The following MAT2A variants were observed in gnomAD, a reference collection of about 807,000 sequenced individuals.
The protein encoded by MAT2A is S-adenosylmethionine synthase isoform type-2.
A neutral mutation model predicts 43.9 loss-of-function variants in MAT2A; 3 were observed. The observed-to-expected ratio is 0.07, with a 90% CI of 0.03 to 0.18. The LOEUF is 0.18. MAT2A is among the 10% of genes least tolerant of loss of function. The pLI, the probability that MAT2A is intolerant of heterozygous loss-of-function variation, is 1.00. For synonymous variants in MAT2A, 200 were observed against 168.4 expected, an observed-to-expected ratio of 1.19 and a Z score of -1.45; for missense variants, 204 against 489.0, an observed-to-expected ratio of 0.42 and a Z score of 5.50.
intron 3 of MAT2A, 54 bp from the exon 4 acceptor site, chr2:85,541,579 T>G: frequency 7.1e-7 from 1 of 1,415,704 alleles, no homozygotes; most frequent in Non-Finnish European, 9.7e-7. Context: ...ATAATTGCTG[T>G]AAACAGCAGG....
At chr2:85,539,441 G>T (rs1321802282) in intron 1 of MAT2A, 63 bp downstream of exon 1, 3 of 1,354,852 alleles carry the variant, frequency 2.2e-6, no homozygotes, top group African/African-American at 3.0e-5. Flanking sequence ...GGTCCGGCTG[G>T]CTGCGGCCGG....
chr2:85,543,849 C>T lies in MAT2A; in HGVS notation c.*77C>T, dbSNP rs1573309815. On this transcript the variant is annotated 3_prime_UTR_variant, in exon 9 of 9. Coordinates refer to ENST00000306434, the MANE Select transcript of MAT2A (RefSeq NM_005911.6). ...TTCAAGCTCTGAGGGAAAGGGCCCT[C>T]CTTCCTAAATTTTCCTGTCCTCTTT... The T allele has an allele frequency of 1.1e-5, 10 of 900,128 alleles. No individual in the cohort carries two copies. In the East Asian group the frequency reaches 2.8e-4, roughly 25 times the overall value. The allele number at this position is 900,128 out of a possible 1,614,324, so 55.8% of individuals were successfully genotyped here.
intron 8 of MAT2A, 113 bp downstream of exon 8, chr2:85,543,147 T>C (rs1247018900): frequency 1.2e-5 from 14 of 1,192,238 alleles, no homozygotes; most frequent in Middle Eastern, 3.0e-4. Context: ...AATGGGAATA[T>C]ATTTTAATTC....
chr2:85,541,614 T>C lies in MAT2A; in HGVS notation c.293-19T>C, dbSNP rs1326667021. The C allele has an allele frequency of 8.4e-6, 13 of 1,555,846 alleles. No homozygotes were observed. The highest frequency in any genetic ancestry group is 9.6e-6 in the Non-Finnish European group (11 of 1,142,030). On this transcript the variant is annotated intron_variant, in intron 3 of 8. Coordinates refer to ENST00000306434, the MANE Select transcript of MAT2A (RefSeq NM_005911.6). ...GTATTTCTAGGACGTAAACAAGATG[T>C]TGTGTTTTTTGCTTATAGGTTTTGA...
At position 85,539,178 on chromosome 2, in the gene MAT2A, C is replaced by T; in HGVS notation, c.-110C>T. On this transcript the variant is annotated 5_prime_UTR_variant, in exon 1 of 9. Coordinates refer to ENST00000306434, the MANE Select transcript of MAT2A (RefSeq NM_005911.6). ...ACCGCCCGCTGCTTCGTTCGCTCCGCGCCGCCCGCCTGCTACGAGTAGAAC... is the reference window on the plus strand; with the variant it reads ...ACCGCCCGCTGCTTCGTTCGCTCCGTGCCGCCCGCCTGCTACGAGTAGAAC... 2 of 785,624 alleles carry T rather than the reference C, an allele frequency of 2.5e-6. No homozygotes were observed. The highest frequency in any genetic ancestry group is 2.1e-6 in the Non-Finnish European group (1 of 485,946). 48.7% of individuals were successfully genotyped at this position (785,624 alleles called of 1,614,324 possible).
chr2:85,541,043 T>G, intron 1 of MAT2A, 40 bp from the exon 2 acceptor site: 1 of 1,463,068 alleles, frequency 6.8e-7, no homozygotes, highest in Middle Eastern at 1.7e-4. Flanking sequence ...ATACTTTGTT[T>G]AAAGTTAAAG....
In MAT2A at chr2:85,542,889, G is replaced by A; in HGVS notation, c.952-12G>A. 6.2e-7 allele frequency: 1 copy of A among 1,608,608 alleles called. No individual in the cohort carries two copies. The highest frequency in any genetic ancestry group is 8.5e-7 in the Non-Finnish European group (1 of 1,177,888). On this transcript the variant is annotated splice_polypyrimidine_tract_variant and intron_variant, in intron 7 of 8. Coordinates refer to ENST00000306434, the MANE Select transcript of MAT2A (RefSeq NM_005911.6). Reference sequence around the variant, plus strand: ...GCAATCACTGATTCTTACGACATTTGAATCCTTTTAGGTCTCTTATGCTAT... The same window carrying A: ...GCAATCACTGATTCTTACGACATTTAAATCCTTTTAGGTCTCTTATGCTAT...
In MAT2A at chr2:85,541,390, G is replaced by T. The variant is rs1322977088; in HGVS notation, c.292+13G>T. The T allele has an allele frequency of 3.1e-6, 5 of 1,606,220 alleles. No homozygotes were observed. The South Asian group carries it at 3.4e-5, about 11-fold the overall frequency. On this transcript the variant is annotated intron_variant, in intron 3 of 8. Coordinates refer to ENST00000306434, the MANE Select transcript of MAT2A (RefSeq NM_005911.6). ...GATTCTTCCAAAGGTGTGTTTTAATGATTTTGCTCATTTTTTTCTAGGTAA... is the reference window on the plus strand; with the variant it reads ...GATTCTTCCAAAGGTGTGTTTTAATTATTTTGCTCATTTTTTTCTAGGTAA...
chr2:85,539,207 G>A lies in MAT2A; in HGVS notation c.-81G>A, dbSNP rs1049022512. ...GCCCGCCTGCTACGAGTAGAACGCT[G>A]TCCGCAGCTTGCGCATTTCGCAGCC... On this transcript the variant is annotated 5_prime_UTR_variant, in exon 1 of 9. Coordinates refer to ENST00000306434, the MANE Select transcript of MAT2A (RefSeq NM_005911.6). The A allele has an allele frequency of 2.0e-6, 2 of 1,010,000 alleles. No homozygotes were observed. Among genetic ancestry groups the A allele is most frequent in the East Asian group, 2.8e-5 (1 of 35,968 alleles). 62.6% of individuals were successfully genotyped at this position (1,010,000 alleles called of 1,614,324 possible).
At chr2:85,540,410 T>C (rs1691443879) in intron 1 of MAT2A, among the ~76,000 whole-genome samples, 1 of 152,176 alleles carries the variant, frequency 6.6e-6, no homozygotes, top group Non-Finnish European at 1.5e-5. Flanking sequence ...TCTTGATGAG[T>C]GCTGAAGGTT....
chr2:85,539,555 C>G (rs1041285061), intron 1 of MAT2A, 177 bp downstream of exon 1: 1 of 485,234 alleles, frequency 2.1e-6, no homozygotes, highest in African/African-American at 2.1e-5. Flanking sequence ...GCGTGGCCGC[C>G]GCTCCTCTTC....
Position 85,544,059 on chromosome 2 carries a change from T to G in MAT2A, c.*287T>G, listed in dbSNP as rs1268023991. The G allele has an allele frequency of 4.3e-6, 1 of 232,898 alleles. No individual in the cohort carries two copies. The allele number at this position is 232,898 out of a possible 1,614,324, so 14.4% of individuals were successfully genotyped here. On this transcript the variant is annotated 3_prime_UTR_variant, in exon 9 of 9. Coordinates refer to ENST00000306434, the MANE Select transcript of MAT2A (RefSeq NM_005911.6). ...ACTGTAGTAAATAATGCTTTGAAATTGAACCTTTGTGCCCTATCACCCAAC... is the reference window on the plus strand; with the variant it reads ...ACTGTAGTAAATAATGCTTTGAAATGGAACCTTTGTGCCCTATCACCCAAC...
rs916376060 is a variant in MAT2A at position 85,539,215 on chromosome 2, C to T, written c.-73C>T. ...GCTACGAGTAGAACGCTGTCCGCAG[C>T]TTGCGCATTTCGCAGCCGCTGCCGC... On this transcript the variant is annotated 5_prime_UTR_variant, in exon 1 of 9. Coordinates refer to ENST00000306434, the MANE Select transcript of MAT2A (RefSeq NM_005911.6). 1.3e-5 allele frequency: 14 copies of T among 1,089,818 alleles called. No individual in the cohort carries two copies. In the African/African-American group the frequency reaches 1.8e-4, roughly 14 times the overall value. 67.5% of individuals were successfully genotyped at this position (1,089,818 alleles called of 1,614,324 possible).
In MAT2A at chr2:85,542,755, C is replaced by G. The variant is rs769430132; in HGVS notation, c.951+8C>G. On this transcript the variant is annotated splice_region_variant and intron_variant, in intron 7 of 8. Transcript: ENST00000306434. The stretch of plus-strand genomic sequence containing the variant: ...CGGAGGGTTCTTGTTCAGGTATACA[C>G]TCTTTATATAACGAACGATTAAAAG... 1.3e-6 allele frequency: 2 copies of G among 1,597,078 alleles called. No individual in the cohort carries two copies. The highest frequency in any genetic ancestry group is 4.5e-5 in the East Asian group (2 of 44,670).
chr2:85,541,945 T>G lies in MAT2A; in HGVS notation c.522T>G (p.Pro174=). The change falls in exon 5 of 9, where the codon CCT becomes CCG. Residue 174 remains proline, a synonymous_variant. Transcript: ENST00000306434. ...LAELRRNGTL[P]WLRPDSKTQV... ...AACTACGCCGTAATGGCACTTTGCC[T>G]TGGTTACGCCCTGATTCTAAAACTC... The G allele has an allele frequency of 6.2e-7, 1 of 1,614,240 alleles. No individual in the cohort carries two copies.
At chr2:85,539,434 C>G in intron 1 of MAT2A, 56 bp downstream of exon 1, 3 of 1,425,590 alleles carry the variant, frequency 2.1e-6, no homozygotes, top group Non-Finnish European at 2.9e-6. Flanking sequence ...GCGCCAAGGT[C>G]CGGCTGGCTG....
chr2:85,541,801 A>G, intron 4 of MAT2A, 28 bp from the exon 5 acceptor site: 1 of 1,613,860 alleles, frequency 6.2e-7, no homozygotes, highest in Middle Eastern at 1.6e-4. Context: ...CTGGAGCTTG[A>G]TCACATTGGT....
intron 8 of MAT2A, chr2:85,543,440 TGAC>T: frequency 2.2e-6 from 1 of 457,728 alleles, no homozygotes; most frequent in East Asian, 3.6e-5. Flanking sequence ...CTCAGAATAA[TGAC>T]AAGTTTTCGT....
chr2:85,542,059 A>T (rs1426682879), intron 5 of MAT2A, 87 bp downstream of exon 5: 1 of 1,587,120 alleles, frequency 6.3e-7, no homozygotes, highest in African/African-American at 1.3e-5. Context: ...ACTGGAAAAA[A>T]TAGCATTTGT....
Sources: allele counts gnomAD v4.1 joint callset (sites outside exome capture counted in the v4.1 genomes callset), GRCh38; gene constraint gnomAD v4.1.1; transcripts MANE v1.5; gene names NCBI Gene and HGNC (gene_info 2026-07-23, HGNC 2026-07-21).